The following ESR1 variants were observed in gnomAD, a reference collection of about 807,000 sequenced individuals.
ESR1 encodes estrogen receptor 1.
Under a neutral mutation model 52.7 loss-of-function variants are expected in ESR1, and 12 were observed. The observed-to-expected ratio is 0.23, with a 90% confidence interval of 0.15 to 0.37. The LOEUF (loss-of-function observed/expected upper bound fraction) is 0.37, where lower values mean the gene tolerates loss of function less well. ESR1 is among the 10% of genes least tolerant of loss of function. ESR1 has a pLI of 1.00. For missense variants in ESR1, 584 were observed against 779.7 expected (o/e 0.75, Z 2.99); for synonymous variants, 305 against 316.8 (o/e 0.96, Z 0.39).
intron 3 of ESR1, among the ~76,000 whole-genome samples, chr6:151,896,064 G>A (rs1231338143): frequency 6.6e-6 from 1 of 152,240 alleles, no homozygotes; most frequent in Non-Finnish European, 1.5e-5. Flanking sequence ...CTCTCAAAGT[G>A]TTGGGATTAC....
chr6:152,088,768 T>C (rs9479223), intron 6 of ESR1, among the ~76,000 whole-genome samples: 1,777 of 152,310 alleles, frequency 0.012, 40 homozygotes, highest in African/African-American at 0.041. Context: ...AATGAATTCC[T>C]TTTCTTTGTA....
intron 2 of ESR1, among the ~76,000 whole-genome samples, chr6:151,846,913 T>G (rs1785220522): frequency 6.6e-6 from 1 of 152,156 alleles, no homozygotes; most frequent in South Asian, 2.1e-4. Flanking sequence ...ATACTACCTT[T>G]GAGTATTACT....
At chr6:152,067,179 TCAAGTCC>T (rs572136110) in intron 6 of ESR1, among the ~76,000 whole-genome samples, 43 of 152,322 alleles carry the variant, frequency 2.8e-4, no homozygotes, top group African/African-American at 1.0e-3. Flanking sequence ...TAGAATCATC[TCAAGTCC>T]CAAATGGTGT....
chr6:151,887,440 A>C (rs1386888917), intron 3 of ESR1, among the ~76,000 whole-genome samples: 1 of 152,128 alleles, frequency 6.6e-6, no homozygotes, highest in East Asian at 1.9e-4. Flanking sequence ...GACCTTAAAG[A>C]CTAATGAATC....
intron 2 of ESR1, among the ~76,000 whole-genome samples, chr6:151,869,597 G>A (rs1203483625): frequency 6.6e-6 from 1 of 152,144 alleles, no homozygotes; most frequent in East Asian, 1.9e-4. Flanking sequence ...TGGTAAGTTA[G>A]AGGTTGGACA....
chr6:151,976,747 A>G (rs147128403), intron 4 of ESR1, among the ~76,000 whole-genome samples: 82 of 152,256 alleles, frequency 5.4e-4, no homozygotes, highest in African/African-American at 1.8e-3. Flanking sequence ...ATCACCTAAT[A>G]TCTTAAATAT....
exon 7 of ESR1, chr6:152,128,992 A>G (rs2054504447): frequency 6.6e-6 from 1 of 152,256 alleles, no homozygotes; most frequent in Non-Finnish European, 1.5e-5. Flanking sequence ...GTCCCACCTG[A>G]GTAGCAAAGT....
Position 152,002,454 on chromosome 6 carries a change from C to T in ESR1, c.1097-9202C>T, listed in dbSNP as rs1001041091. ...TGATGACAATAGTATTTGAAATGCT[C>T]GTAGATCTGCTTCTAGGTTGATGGA... On this transcript the variant is annotated intron_variant, in intron 4 of 7. Coordinates refer to ENST00000206249, the MANE Select transcript of ESR1 (RefSeq NM_000125.4). Among the ~76,000 whole-genome samples the T allele has an allele frequency of 3.9e-5, 6 of 151,988 alleles. No individual in the cohort carries two copies. The South Asian group carries it at 1.0e-3, about 26-fold the overall frequency.
intron 1 of ESR1, among the ~76,000 whole-genome samples, chr6:151,831,872 T>A (rs896103419): frequency 6.6e-6 from 1 of 152,082 alleles, no homozygotes; most frequent in Non-Finnish European, 1.5e-5. Flanking sequence ...TCGTGCTGGG[T>A]TTTCCAGAAG....
At chr6:152,089,885 A>G (rs556414664) in intron 6 of ESR1, among the ~76,000 whole-genome samples, 24 of 152,108 alleles carry the variant, frequency 1.6e-4, no homozygotes, top group Non-Finnish European at 3.1e-4. Flanking sequence ...GCCACTATAG[A>G]TTTTTATTTG....
At chr6:152,004,943 T>A (rs1488251944) in intron 4 of ESR1, among the ~76,000 whole-genome samples, 2 of 152,072 alleles carry the variant, frequency 1.3e-5, no homozygotes, top group Non-Finnish European at 2.9e-5. Context: ...ACTAAATTCT[T>A]CAATTTTTTC....
chr6:152,125,287 A>T lies in ESR1; in HGVS notation c.872A>T (p.Lys291Met), dbSNP rs2052983300. 1.2e-5 allele frequency: 19 copies of T among 1,550,470 alleles called. 1 individual carries two copies. Among genetic ancestry groups the T allele is most frequent in the Middle Eastern group, 1.7e-4 (1 of 5,992 alleles). The change falls in exon 7 of 7, where the codon AAG becomes ATG. Residue 291 changes from lysine (K) to methionine (M), a missense_variant. Lys to Met is a moderately conservative substitution (Grantham distance 95). Transcript: ENST00000427531. ...ACAGGTATCTCACATGTAGAAGCAA[A>T]GAAGAGAATCCTGAACTTGCATCCT... is the stretch of plus-strand genomic sequence containing the variant.
At chr6:151,878,791 A>T (rs1792288834) in intron 2 of ESR1, among the ~76,000 whole-genome samples, 1 of 152,226 alleles carries the variant, frequency 6.6e-6, no homozygotes, top group Non-Finnish European at 1.5e-5. Context: ...ATTTAGACTT[A>T]TGCAGACAGA....
intron 1 of ESR1, among the ~76,000 whole-genome samples, chr6:151,835,516 A>G (rs1041950261): frequency 3.9e-5 from 6 of 152,356 alleles, no homozygotes; most frequent in Middle Eastern, 3.4e-3. Context: ...ACTAGATGTC[A>G]TGAGATGTGG....
intron 1 of ESR1, among the ~76,000 whole-genome samples, chr6:151,679,166 G>A (rs1778364642): frequency 6.6e-6 from 1 of 152,150 alleles, no homozygotes; most frequent in South Asian, 2.1e-4. Context: ...TCTTACCAAA[G>A]GTCCTGACCC....
At chr6:152,052,350 C>T (rs1013263332) in intron 5 of ESR1, among the ~76,000 whole-genome samples, 1 of 152,172 alleles carries the variant, frequency 6.6e-6, no homozygotes, top group Non-Finnish European at 1.5e-5. Flanking sequence ...TTTATCAGTG[C>T]TCAATAAGCT....
At position 151,945,382 on chromosome 6, in the gene ESR1, C is replaced by T. The variant is rs150281116; in HGVS notation, c.1096+874C>T. Among the ~76,000 whole-genome samples the T allele has an allele frequency of 3.7e-3, 560 of 152,194 alleles. 3 individuals are homozygous for T. The highest frequency in any genetic ancestry group is 6.0e-3 in the Non-Finnish European group (407 of 68,004). ...TGGAAAAATAAATTAAGGTATCATC[C>T]CTGAAAGAAACTTTTAGAAAGACAC... On this transcript the variant is annotated intron_variant, in intron 4 of 7. Coordinates refer to ENST00000206249, the MANE Select transcript of ESR1 (RefSeq NM_000125.4).
intron 3 of ESR1, among the ~76,000 whole-genome samples, chr6:151,905,503 G>A (rs1204533565): frequency 6.6e-6 from 1 of 152,088 alleles, no homozygotes; most frequent in Non-Finnish European, 1.5e-5. Flanking sequence ...GAAAAAAATC[G>A]ATTTAAATTC....
chr6:151,687,943 C>G (rs967248261), upstream of ESR1, among the ~76,000 whole-genome samples: 2 of 152,082 alleles, frequency 1.3e-5, no homozygotes, highest in Non-Finnish European at 2.9e-5. Context: ...ATTATACTTA[C>G]GAGATTAAAT....
Sources: allele counts gnomAD v4.1 joint callset (sites outside exome capture counted in the v4.1 genomes callset), GRCh38; gene constraint gnomAD v4.1.1; transcripts MANE v1.5; gene names NCBI Gene and HGNC (gene_info 2026-07-23, HGNC 2026-07-21).